The following GPR39 variants were observed in gnomAD, a reference collection of about 807,000 sequenced individuals.
GPR39 encodes G protein-coupled receptor 39.
Under a neutral mutation model 18.4 loss-of-function variants are expected in GPR39, and 23 were observed. The ratio of observed to expected loss-of-function variants is 1.25; its 90% CI spans 0.90 to 1.77. The LOEUF (loss-of-function observed/expected upper bound fraction) is 1.77, where lower values mean the gene tolerates loss of function less well. Among genes scored for constraint, GPR39 ranks in the 40% most tolerant of loss-of-function variants. The probability of loss-of-function intolerance (pLI) is 0.00; values close to 1 mark genes in which losing one functional copy is unlikely to be tolerated. For synonymous variants in GPR39, 280 were observed against 257.9 expected (o/e 1.09, Z -0.82); for missense variants, 647 against 602.4 (o/e 1.07, Z -0.78).
Position 132,645,236 on chromosome 2 carries a change from C to T in GPR39, c.992C>T (p.Thr331Met), listed in dbSNP as rs1373916493. Reference sequence around the variant, plus strand: ...ATGATCCTCCTCCCCTTCTCGGAGACGTTTTTCTACCTCAGCTCGGTCATC... The same window carrying T: ...ATGATCCTCCTCCCCTTCTCGGAGATGTTTTTCTACCTCAGCTCGGTCATC... The part of the protein sequence containing the change: ...AYMILLPFSE[T>M]FFYLSSVINP... The change falls in exon 2 of 2, where the codon ACG (threonine) becomes ATG (methionine). Residue 331 changes from threonine (T) to methionine (M), a missense_variant. Thr to Met is a moderately conservative substitution (Grantham distance 81). Around this residue, in one of 3 missense-constraint regions of GPR39, gnomAD observed 581 missense variants for 506.8 expected, o/e 1.15. Coordinates refer to ENST00000329321, the MANE Select transcript of GPR39 (RefSeq NM_001508.3). 1 of 1,614,200 alleles carries T rather than the reference C, an allele frequency of 6.2e-7. No homozygotes were observed. The highest frequency in any genetic ancestry group is 2.2e-5 in the East Asian group (1 of 44,876).
rs1361230417 is a variant in GPR39 at position 132,459,901 on chromosome 2, G to A, written c.856+42003G>A. On this transcript the variant is annotated intron_variant, in intron 1 of 1. Coordinates refer to ENST00000329321, the MANE Select transcript of GPR39 (RefSeq NM_001508.3). ...CAGTGATCCTTCCAAAACGATACCT[G>A]CTAGTTACAGCCTTTGGGATCAAAT... Among the ~76,000 whole-genome samples the A allele has an allele frequency of 3.3e-5, 5 of 152,128 alleles. No homozygotes were observed. In the East Asian group the frequency reaches 9.6e-4, roughly 29 times the overall value.
At chr2:132,622,367 C>G (rs1006834417) in intron 1 of GPR39, among the ~76,000 whole-genome samples, 10 of 152,134 alleles carry the variant, frequency 6.6e-5, no homozygotes, top group East Asian at 5.8e-4. Flanking sequence ...GCACTCCAGC[C>G]TGGGCGACAG....
intron 1 of GPR39, among the ~76,000 whole-genome samples, chr2:132,428,772 A>G (rs1036963628): frequency 1.3e-5 from 2 of 152,228 alleles, no homozygotes; most frequent in Admixed American, 6.5e-5. Flanking sequence ...ACTAGTTGTG[A>G]TAAGAACTGT....
intron 1 of GPR39, among the ~76,000 whole-genome samples, chr2:132,539,022 C>T (rs758558208): frequency 1.1e-4 from 17 of 152,288 alleles, no homozygotes; most frequent in African/African-American, 3.4e-4. Context: ...ACTTGCTGAG[C>T]GAGACCACTT....
At chr2:132,624,082 C>T (rs1033460958) in intron 1 of GPR39, among the ~76,000 whole-genome samples, 8 of 152,234 alleles carry the variant, frequency 5.3e-5, no homozygotes, top group Middle Eastern at 6.8e-3. Flanking sequence ...AACGTGGGTT[C>T]GGTGGCATAA....
At chr2:132,467,701 T>A (rs572471901) in intron 1 of GPR39, among the ~76,000 whole-genome samples, 1 of 152,304 alleles carries the variant, frequency 6.6e-6, no homozygotes, top group East Asian at 1.9e-4. Context: ...ATAATAAAGA[T>A]GATGTATACT....
At position 132,548,855 on chromosome 2, in the gene GPR39, G is replaced by A. The variant is rs1399725106; in HGVS notation, c.857-96246G>A. Among the ~76,000 whole-genome samples, 3 of 152,120 alleles carry A rather than the reference G, an allele frequency of 2.0e-5. No homozygotes were observed. The East Asian group carries it at 5.8e-4, about 29-fold the overall frequency. On this transcript the variant is annotated intron_variant, in intron 1 of 1. Coordinates refer to ENST00000329321, the MANE Select transcript of GPR39 (RefSeq NM_001508.3). ...TTATGCAGTCTAAATTCTATGCCTG[G>A]GTTATCTTTCAGAGTTCCTGACTGC... is the stretch of plus-strand genomic sequence containing the variant.
chr2:132,594,027 A>G (rs1410537939), intron 1 of GPR39, among the ~76,000 whole-genome samples: 1 of 152,136 alleles, frequency 6.6e-6, no homozygotes, highest in Admixed American at 6.5e-5. Context: ...CTTTAGTCAA[A>G]TCTTTACAGG....
At chr2:132,619,809 A>T (rs1264261934) in intron 1 of GPR39, among the ~76,000 whole-genome samples, 1 of 147,908 alleles carries the variant, frequency 6.8e-6, no homozygotes, top group Non-Finnish European at 1.5e-5. Flanking sequence ...CCTCCCCAAC[A>T]TACACACAGA....
intron 1 of GPR39, among the ~76,000 whole-genome samples, chr2:132,454,961 G>T (rs1265337674): frequency 6.6e-6 from 1 of 152,090 alleles, no homozygotes; most frequent in Non-Finnish European, 1.5e-5. Flanking sequence ...TTGTGTCTCT[G>T]CCAGCCTTTG....
At chr2:132,548,478 TG>T (rs1679986609) in intron 1 of GPR39, among the ~76,000 whole-genome samples, 1 of 152,238 alleles carries the variant, frequency 6.6e-6, no homozygotes, top group Non-Finnish European at 1.5e-5. Context: ...TGTGGTACCC[TG>T]TATTAGATGT....
chr2:132,497,108 A>G (rs1295878537), intron 1 of GPR39, among the ~76,000 whole-genome samples: 2 of 152,302 alleles, frequency 1.3e-5, no homozygotes, highest in East Asian at 3.9e-4. Flanking sequence ...GAGATTTTCC[A>G]GAGGAGCACA....
At chr2:132,596,228 C>G (rs1221061703) in intron 1 of GPR39, among the ~76,000 whole-genome samples, 1 of 152,172 alleles carries the variant, frequency 6.6e-6, no homozygotes, top group African/African-American at 2.4e-5. Flanking sequence ...CTCTTTGGAA[C>G]AGGTTGCATG....
At chr2:132,579,196 T>A (rs1009671185) in intron 1 of GPR39, among the ~76,000 whole-genome samples, 3 of 152,024 alleles carry the variant, frequency 2.0e-5, no homozygotes, top group Non-Finnish European at 4.4e-5. Flanking sequence ...AGTGTATTTT[T>A]AACATTCCTC....
At chr2:132,573,777 AG>A (rs1680483009) in intron 1 of GPR39, among the ~76,000 whole-genome samples, 1 of 152,114 alleles carries the variant, frequency 6.6e-6, no homozygotes. Flanking sequence ...TGCCACCGAT[AG>A]GGGTAATAGG....
intron 1 of GPR39, among the ~76,000 whole-genome samples, chr2:132,529,781 C>A (rs1679578830): frequency 6.6e-6 from 1 of 152,232 alleles, no homozygotes; most frequent in African/African-American, 2.4e-5. Context: ...AACAGACCTG[C>A]AGCTGAGGGT....
intron 1 of GPR39, among the ~76,000 whole-genome samples, chr2:132,476,561 G>C (rs552964884): frequency 1.4e-5 from 2 of 139,514 alleles, no homozygotes; most frequent in Admixed American, 8.2e-5. Context: ...ACTTGAACCC[G>C]GGAGGTGGAG....
intron 1 of GPR39, among the ~76,000 whole-genome samples, chr2:132,534,571 A>C (rs1208976775): frequency 6.6e-6 from 1 of 150,400 alleles, no homozygotes; most frequent in African/African-American, 2.4e-5. Flanking sequence ...TCACAATAGC[A>C]AAGACTTGGA....
At chr2:132,608,784 C>G (rs1417387999) in intron 1 of GPR39, among the ~76,000 whole-genome samples, 1 of 152,146 alleles carries the variant, frequency 6.6e-6, no homozygotes, top group African/African-American at 2.4e-5. Flanking sequence ...TTAGCCCCCT[C>G]CGCTGCAAAG....
Sources: allele counts gnomAD v4.1 joint callset (sites outside exome capture counted in the v4.1 genomes callset), GRCh38; gene constraint gnomAD v4.1.1; regional missense constraint gnomAD v4.1.1; transcripts MANE v1.5; gene names NCBI Gene and HGNC (gene_info 2026-07-23, HGNC 2026-07-21).